Variants in WDFY1 observed in about 807,000 individuals in gnomAD.
WDFY1 encodes the protein WD repeat and FYVE domain containing 1.
WDFY1 carries 32 observed loss-of-function variants against 56.4 expected under a neutral mutation model. That is an observed-to-expected ratio of 0.57 (90% CI 0.43 to 0.76). WDFY1 has a LOEUF of 0.76. WDFY1 is among the 30% of genes least tolerant of loss of function. The probability of loss-of-function intolerance (pLI) is 0.00; values close to 1 mark genes in which losing one functional copy is unlikely to be tolerated. For synonymous variants in WDFY1, 192 were observed against 197.3 expected (o/e 0.97, Z 0.23); for missense variants, 480 against 545.7 (o/e 0.88, Z 1.20).
intron 1 of WDFY1, among the ~76,000 whole-genome samples, chr2:223,929,196 T>G (rs112056366): frequency 1.9e-4 from 10 of 52,782 alleles, no homozygotes; most frequent in African/African-American, 7.7e-4. Context: ...TTTGTTTTTT[T>G]TTTTTTTTGA....
intron 8 of WDFY1, among the ~76,000 whole-genome samples, chr2:223,889,174 G>A (rs569956803): frequency 6.6e-6 from 1 of 152,244 alleles, no homozygotes; most frequent in South Asian, 2.1e-4. Flanking sequence ...AAAATGCTGG[G>A]ATTACAGGCA....
At position 223,884,731 on chromosome 2, in the gene WDFY1, T is replaced by C. The variant is rs1394039690; in HGVS notation, c.850A>G (p.Ser284Gly). 1.2e-6 allele frequency: 2 copies of C among 1,614,144 alleles called. No homozygotes were observed. The highest frequency in any genetic ancestry group is 2.2e-5 in the East Asian group (1 of 44,878). Residue 284 changes from serine to glycine, a missense_variant, in exon 9 of 12, where the codon AGT becomes GGT. Ser to Gly is a moderately conservative substitution (Grantham distance 56). Coordinates refer to ENST00000233055, the MANE Select transcript of WDFY1 (RefSeq NM_020830.5). ...SREEAPQWLE[S>G]DSCQKCEQPF... ...TGCTCACATTTCTGACAAGAATCACTTTCCAACCACTGAGGAGCCTGGGGG... is the reference window on the plus strand; with the variant it reads ...TGCTCACATTTCTGACAAGAATCACCTTCCAACCACTGAGGAGCCTGGGGG...
intron 1 of WDFY1, among the ~76,000 whole-genome samples, chr2:223,922,199 G>A (rs1693898864): frequency 6.6e-6 from 1 of 152,198 alleles, no homozygotes. Context: ...TCTCCAGACA[G>A]TGTTTTCTGA....
At chr2:223,888,255 G>A (rs1693205858) in intron 8 of WDFY1, among the ~76,000 whole-genome samples, 1 of 151,960 alleles carries the variant, frequency 6.6e-6, no homozygotes, top group Admixed American at 6.6e-5. Flanking sequence ...CAAATTTTTT[G>A]TACAAAGAGG....
Position 223,920,555 on chromosome 2 carries a change from G to A in WDFY1, c.138-2545C>T, listed in dbSNP as rs75340430. Among the ~76,000 whole-genome samples the A allele has an allele frequency of 2.6e-5, 4 of 152,390 alleles. No homozygotes were observed. The East Asian group carries it at 5.8e-4, about 22-fold the overall frequency. On this transcript the variant is annotated intron_variant, in intron 1 of 11. Coordinates refer to ENST00000233055, the MANE Select transcript of WDFY1 (RefSeq NM_020830.5). ...AGAAGAACAGGGTGGAACCTGCACAGCTGTATGTAACCTCCAGAGCCACAG... is the reference window on the plus strand; with the variant it reads ...AGAAGAACAGGGTGGAACCTGCACAACTGTATGTAACCTCCAGAGCCACAG...
At chr2:223,933,454 CTCTAA>C (rs1694114933) in intron 1 of WDFY1, among the ~76,000 whole-genome samples, 1 of 151,980 alleles carries the variant, frequency 6.6e-6, no homozygotes, top group African/African-American at 2.4e-5. Context: ...CTAGAAACCA[CTCTAA>C]TCACTGAAGA....
At chr2:223,921,972 T>G (rs1215995126) in intron 1 of WDFY1, among the ~76,000 whole-genome samples, 1 of 152,152 alleles carries the variant, frequency 6.6e-6, no homozygotes, top group Non-Finnish European at 1.5e-5. Context: ...GACCCCCAGC[T>G]ACCTCTCCCA....
Position 223,877,182 on chromosome 2 carries a change from G to T in WDFY1, c.*1489C>A, listed in dbSNP as rs576767235. ...GCCATTAAGACATTTTAGTTTGATCGCCTCCTTAAACCTTTCAGTCCCTCT... is the reference window on the plus strand; with the variant it reads ...GCCATTAAGACATTTTAGTTTGATCTCCTCCTTAAACCTTTCAGTCCCTCT... On this transcript the variant is annotated 3_prime_UTR_variant, in exon 12 of 12. Coordinates refer to ENST00000233055, the MANE Select transcript of WDFY1 (RefSeq NM_020830.5). The T allele has an allele frequency of 6.6e-6, 1 of 151,856 alleles. No homozygotes were observed. Among genetic ancestry groups the T allele is most frequent in the Non-Finnish European group, 1.5e-5 (1 of 67,980 alleles). The allele number at this position is 151,856 out of a possible 1,614,324, so 9.4% of individuals were successfully genotyped here.
chr2:223,925,924 C>T (rs1185412612), intron 1 of WDFY1, among the ~76,000 whole-genome samples: 1 of 152,202 alleles, frequency 6.6e-6, no homozygotes, highest in African/African-American at 2.4e-5. Flanking sequence ...AATTCTCTTG[C>T]TATTTCCACA....
At chr2:223,880,266 T>G (rs1559160992) in intron 10 of WDFY1, 34 bp from the exon 11 acceptor site, 1 of 1,599,374 alleles carries the variant, frequency 6.3e-7, no homozygotes, top group South Asian at 1.1e-5. Flanking sequence ...GAAAATTTAC[T>G]TGACTGTACC....
intron 7 of WDFY1, among the ~76,000 whole-genome samples, chr2:223,895,175 C>A (rs2106078174): frequency 6.6e-6 from 1 of 152,336 alleles, no homozygotes; most frequent in South Asian, 2.1e-4. Context: ...AAAGTCCTCA[C>A]CTGCATCTCT....
intron 2 of WDFY1, among the ~76,000 whole-genome samples, chr2:223,914,672 T>C (rs1013476129): frequency 6.6e-6 from 1 of 152,186 alleles, no homozygotes; most frequent in Non-Finnish European, 1.5e-5. Context: ...TGAGCATGGA[T>C]TGGAATTCCA....
intron 1 of WDFY1, among the ~76,000 whole-genome samples, chr2:223,919,597 C>T (rs1336826122): frequency 2.0e-5 from 3 of 152,148 alleles, no homozygotes; most frequent in Non-Finnish European, 4.4e-5. Flanking sequence ...GCAGCCTTGA[C>T]TTCCCAGACT....
chr2:223,878,871 C>G, intron 11 of WDFY1, 141 bp from the exon 12 acceptor site: 2 of 1,129,576 alleles, frequency 1.8e-6, no homozygotes, highest in Non-Finnish European at 2.5e-6. Flanking sequence ...TTTCATAACA[C>G]CTCCTTAAGA....
chr2:223,881,371 G>A (rs564595429), intron 10 of WDFY1, among the ~76,000 whole-genome samples: 2 of 152,330 alleles, frequency 1.3e-5, no homozygotes, highest in South Asian at 4.1e-4. Context: ...TATCCACTCA[G>A]TTACTGGACC....
At chr2:223,905,328 C>A (rs774431811) in intron 4 of WDFY1, among the ~76,000 whole-genome samples, 1 of 152,100 alleles carries the variant, frequency 6.6e-6, no homozygotes, top group South Asian at 2.1e-4. Context: ...AAATTCCTCA[C>A]TGAGCACCTA....
intron 2 of WDFY1, among the ~76,000 whole-genome samples, chr2:223,914,322 T>A (rs116624901): frequency 0.017 from 2,635 of 152,252 alleles, 42 homozygotes; most frequent in Middle Eastern, 0.031. Context: ...TAAAAAGCCA[T>A]CACTGCAGTC....
In WDFY1 at chr2:223,894,248, C is replaced by T. The variant is rs768512868; in HGVS notation, c.817G>A (p.Val273Ile). The part of the protein sequence containing the change: ...DGGIAVWNMD[V>I]SREEAPQWLE... ...TTGTCTCTTACCTCTTCTCTGCTAA[C>T]ATCCATGTTCCACACTGCAATTCCG... Residue 273 changes from valine (V) to isoleucine (I), a missense_variant, in exon 8 of 12, where the codon GTT (valine) becomes ATT (isoleucine). Val to Ile is a conservative substitution (Grantham distance 29). Transcript: ENST00000233055. 58 of 1,614,042 alleles carry T rather than the reference C, an allele frequency of 3.6e-5. 3 individuals carry two copies. The Admixed American group carries it at 7.5e-4, about 21-fold the overall frequency.
intron 2 of WDFY1, among the ~76,000 whole-genome samples, chr2:223,913,149 G>T (rs181232985): frequency 6.6e-5 from 10 of 150,698 alleles, no homozygotes; most frequent in Admixed American, 4.6e-4. Context: ...GGAGGCCAAG[G>T]CAGGAGGATT....
Sources: gnomAD v4.1 joint callset for allele counts (sites outside exome capture counted in the v4.1 genomes callset) on GRCh38, gnomAD v4.1.1 for gene constraint, MANE v1.5 for transcripts, NCBI Gene and HGNC (gene_info 2026-07-23, HGNC 2026-07-21) for gene names.